Variants in APOOL observed in about 807,000 individuals in gnomAD.
The protein encoded by APOOL is MICOS complex subunit MIC27.
In APOOL, 12 loss-of-function variants were observed where a neutral mutation model predicts 23.1. The observed-to-expected ratio is 0.52, with a 90% CI of 0.33 to 0.84. The LOEUF (loss-of-function observed/expected upper bound fraction) is 0.84. APOOL is among the 40% of genes least tolerant of loss of function. The pLI is 0.02. For synonymous variants in APOOL, 77 were observed against 69.9 expected, an observed-to-expected ratio of 1.10 and a Z score of -0.51; for missense variants, 212 against 199.6, an observed-to-expected ratio of 1.06 and a Z score of -0.37.
chrX:85,084,378 T>G (rs949353131), intron 8 of APOOL, among the ~76,000 whole-genome samples: 2 of 109,868 alleles, frequency 1.8e-5, no homozygotes, highest in African/African-American at 6.6e-5. Context: ...CTTGTGATCC[T>G]CCCACCTCGG....
chrX:85,043,610 G>T (rs761958579), intron 1 of APOOL, among the ~76,000 whole-genome samples: 2 of 111,701 alleles, frequency 1.8e-5, no homozygotes, highest in East Asian at 5.6e-4. Flanking sequence ...TCAATGTGCT[G>T]TACCATTAGC....
intron 3 of APOOL, among the ~76,000 whole-genome samples, chrX:85,052,662 A>G (rs184988950): frequency 7.4e-4 from 83 of 112,092 alleles, no homozygotes; most frequent in Non-Finnish European, 7.0e-4. Context: ...ACATGATGTT[A>G]TTTTTGAAAA....
intron 5 of APOOL, among the ~76,000 whole-genome samples, chrX:85,061,498 A>G (rs1355698003): frequency 8.9e-6 from 1 of 111,971 alleles, no homozygotes; most frequent in Non-Finnish European, 1.9e-5. Context: ...TCGGCTGTGA[A>G]TCCATCTGGT....
intron 1 of APOOL, among the ~76,000 whole-genome samples, chrX:85,023,441 T>C (rs952223103): frequency 8.9e-6 from 1 of 112,019 alleles, no homozygotes; most frequent in African/African-American, 3.2e-5. Flanking sequence ...CCCATGGTTA[T>C]GAATTGAGAG....
At chrX:85,051,334 G>C in intron 2 of APOOL, 55 bp from the exon 3 acceptor site, 2 of 1,193,920 alleles carry the variant, frequency 1.7e-6, no homozygotes, top group Non-Finnish European at 1.1e-6. Flanking sequence ...CCATACCGCT[G>C]TTATGGACAG....
At chrX:85,071,997 A>C (rs949743022) in intron 6 of APOOL, among the ~76,000 whole-genome samples, 2 of 111,658 alleles carry the variant, frequency 1.8e-5, no homozygotes, top group African/African-American at 3.3e-5. Flanking sequence ...AGTCCCAGCT[A>C]CTCGGGAAGC....
chrX:85,077,078 T>C (rs199750180), intron 8 of APOOL, among the ~76,000 whole-genome samples: 2,299 of 19,738 alleles, frequency 0.12, 75 homozygotes, highest in African/African-American at 0.25. Flanking sequence ...TATATATACA[T>C]ATATATATAT....
intron 1 of APOOL, among the ~76,000 whole-genome samples, chrX:85,007,106 G>A (rs933576113): frequency 8.9e-6 from 1 of 111,744 alleles, no homozygotes; most frequent in African/African-American, 3.3e-5. Flanking sequence ...CTGCTGAGAG[G>A]AAAATATGCC....
In APOOL at chrX:85,079,635, C is replaced by A. The variant is rs182533402; in HGVS notation, c.718+5244C>A. 5.0e-3 allele frequency among the ~76,000 whole-genome samples: 559 copies of A among 111,643 alleles called. 5 individuals are homozygous for A. The highest frequency in any genetic ancestry group is 8.5e-3 in the Non-Finnish European group (451 of 53,126). On this transcript the variant is annotated intron_variant, in intron 8 of 8. Transcript: ENST00000373173. ...GAGTTAGTGAGAATTCCCTCTTTTT[C>A]TATTGATTGGAATAGTTTCAGAAGG...
At chrX:85,007,387 CAAA>C (rs1276837298) in intron 1 of APOOL, among the ~76,000 whole-genome samples, 1 of 110,089 alleles carries the variant, frequency 9.1e-6, no homozygotes, top group East Asian at 2.9e-4. Context: ...GATAAGGAGA[CAAA>C]GAAGAAGATT....
At chrX:85,021,909 C>T (rs1471627657) in intron 1 of APOOL, among the ~76,000 whole-genome samples, 3 of 111,906 alleles carry the variant, frequency 2.7e-5, no homozygotes, top group Non-Finnish European at 3.8e-5. Context: ...AGGGAAGAGA[C>T]ATTACGAATG....
chrX:85,046,339 A>G, intron 1 of APOOL, 107 bp from the exon 2 acceptor site: 1 of 614,712 alleles, frequency 1.6e-6, no homozygotes, highest in Non-Finnish European at 2.5e-6. Context: ...TATTTAATAT[A>G]TTAAAGTGAA....
intron 1 of APOOL, among the ~76,000 whole-genome samples, chrX:85,031,379 G>C (rs1922031398): frequency 9.0e-6 from 1 of 110,732 alleles, no homozygotes; most frequent in South Asian, 3.9e-4. Context: ...AAGTCTTTTG[G>C]ATATGAGAGG....
intron 6 of APOOL, 32 bp downstream of exon 6, chrX:85,067,250 A>G (rs774918507): frequency 1.0e-6 from 1 of 959,429 alleles, no homozygotes; most frequent in Non-Finnish European, 1.4e-6. Flanking sequence ...GCAACATTTC[A>G]GTATTTGTTT....
chrX:85,017,588 A>T (rs1363858838), intron 1 of APOOL, among the ~76,000 whole-genome samples: 2 of 111,420 alleles, frequency 1.8e-5, no homozygotes, highest in Non-Finnish European at 3.8e-5. Flanking sequence ...TTCAGTTGGA[A>T]GTTTCTTTCA....
rs1245912559 is a variant in APOOL at position 85,089,290 on chromosome X, G to C, written c.*1612G>C. 3.6e-5 allele frequency: 4 copies of C among 111,568 alleles called. No homozygotes were observed. In the East Asian group the frequency reaches 1.1e-3, roughly 32 times the overall value. 9.2% of individuals were successfully genotyped at this position (111,568 alleles called of 1,213,427 possible). A position where few individuals can be genotyped will look rare whatever the true frequency, so the allele number is the denominator to read the frequency against. On this transcript the variant is annotated 3_prime_UTR_variant, in exon 9 of 9. Transcript: ENST00000373173. ...CCTAATTTTTTGTATTTTTGGTAGT[G>C]ACAGGGTTTCACCATGTTGTCCAGG...
chrX:85,085,007 A>C (rs1241734649), intron 8 of APOOL, among the ~76,000 whole-genome samples: 11 of 111,377 alleles, frequency 9.9e-5, no homozygotes, highest in Non-Finnish European at 1.7e-4. Flanking sequence ...ATACAGCAGA[A>C]CCACCAGTGG....
chrX:85,034,005 C>G (rs1410268663), intron 1 of APOOL, among the ~76,000 whole-genome samples: 1 of 111,497 alleles, frequency 9.0e-6, no homozygotes, highest in African/African-American at 3.3e-5. Context: ...CTCTAACACT[C>G]AGCTCTTGGT....
intron 1 of APOOL, among the ~76,000 whole-genome samples, chrX:85,007,389 A>G (rs1810913716): frequency 9.0e-6 from 1 of 111,122 alleles, no homozygotes; most frequent in African/African-American, 3.3e-5. Flanking sequence ...TAAGGAGACA[A>G]AGAAGAAGAT....
Sources: gnomAD v4.1 joint callset for allele counts (sites outside exome capture counted in the v4.1 genomes callset) on GRCh38, gnomAD v4.1.1 for gene constraint, MANE v1.5 for transcripts, NCBI Gene and HGNC (gene_info 2026-07-23, HGNC 2026-07-21) for gene names.